The following INSR variants were observed in gnomAD, a reference collection of about 807,000 sequenced individuals.
INSR encodes IR.
Under a neutral mutation model 142.6 loss-of-function variants are expected in INSR, and 67 were observed. The observed-to-expected ratio is 0.47, with a 90% CI of 0.39 to 0.58. INSR has a LOEUF of 0.58. Ranked by LOEUF, INSR falls within the 20% of genes least tolerant of loss-of-function variation. The pLI is 0.00. For missense variants in INSR, 1,248 were observed against 1,833.2 expected, an observed-to-expected ratio of 0.68 and a Z score of 5.83; for synonymous variants, 756 against 743.1, an observed-to-expected ratio of 1.02 and a Z score of -0.28.
intron 12 of INSR, 101 bp downstream of exon 12, chr19:7,142,715 G>A: frequency 7.0e-7 from 1 of 1,423,124 alleles, no homozygotes; most frequent in Non-Finnish European, 9.8e-7. Context: ...AGGCCAATAA[G>A]GTAAAATACA....
At chr19:7,162,248 G>A (rs1166926711) in intron 9 of INSR, among the ~76,000 whole-genome samples, 9 of 149,470 alleles carry the variant, frequency 6.0e-5, no homozygotes, top group Admixed American at 2.0e-4. Context: ...AATCGCTTGC[G>A]CCTGGGAGGC....
chr19:7,222,062 G>A (rs1975638568), intron 2 of INSR, among the ~76,000 whole-genome samples: 1 of 150,942 alleles, frequency 6.6e-6, no homozygotes, highest in South Asian at 2.1e-4. Context: ...CACCATTTGG[G>A]AAAGGCTAAG....
At chr19:7,183,547 C>G (rs1040342495) in intron 3 of INSR, among the ~76,000 whole-genome samples, 2 of 152,096 alleles carry the variant, frequency 1.3e-5, no homozygotes, top group African/African-American at 4.8e-5. Context: ...AAGCGAGTCT[C>G]TTCCTCCTGG....
chr19:7,183,915 C>T (rs34013042), intron 3 of INSR, among the ~76,000 whole-genome samples: 45,609 of 151,348 alleles, frequency 0.3, 7,207 homozygotes, highest in South Asian at 0.42. Flanking sequence ...AAAAATTAGC[C>T]GGGCATGGTG....
At chr19:7,210,717 A>G (rs1336891862) in intron 2 of INSR, among the ~76,000 whole-genome samples, 1 of 151,938 alleles carries the variant, frequency 6.6e-6, no homozygotes, top group Non-Finnish European at 1.5e-5. Context: ...GTATATATGG[A>G]GAGAGAGAGA....
intron 13 of INSR, among the ~76,000 whole-genome samples, chr19:7,137,855 C>A (rs1231194223): frequency 6.8e-6 from 1 of 147,932 alleles, no homozygotes; most frequent in Non-Finnish European, 1.5e-5. Flanking sequence ...ATCCTGGATC[C>A]AGCCATGTGA....
chr19:7,139,076 T>C (rs1460567351), intron 13 of INSR, among the ~76,000 whole-genome samples: 1 of 152,128 alleles, frequency 6.6e-6, no homozygotes, highest in African/African-American at 2.4e-5. Flanking sequence ...TGTTTGTATA[T>C]GGGGCATGTC....
In INSR at chr19:7,117,316, TG is replaced by T; in HGVS notation, c.3888del (p.Ser1297AlafsTer68). 1 of 1,614,138 alleles carries T rather than the reference TG, an allele frequency of 6.2e-7. No homozygotes were observed. Among genetic ancestry groups the T allele is most frequent in the Non-Finnish European group, 8.5e-7 (1 of 1,180,028 alleles). ...IVNLLKDDLH[P>X]SFPEVSFFHS... ...TGGAAGAACGACACCTCTGGAAAGCTGGGGTGCAGGTCGTCCTTGAGCAGGT... is the reference window on the plus strand; with the variant it reads ...TGGAAGAACGACACCTCTGGAAAGCTGGGTGCAGGTCGTCCTTGAGCAGGT... On this transcript the variant is annotated frameshift_variant, in exon 22 of 22. Coordinates refer to ENST00000302850, the MANE Select transcript of INSR (RefSeq NM_000208.4). LOFTEE classifies it high-confidence loss of function.
intron 2 of INSR, among the ~76,000 whole-genome samples, chr19:7,252,152 G>A (rs997099343): frequency 4.6e-5 from 7 of 152,102 alleles, no homozygotes; most frequent in Non-Finnish European, 1.0e-4. Context: ...GCGCACGCCT[G>A]TAATCCCAGC....
chr19:7,220,713 G>T (rs1260228241), intron 2 of INSR, among the ~76,000 whole-genome samples: 2 of 152,188 alleles, frequency 1.3e-5, no homozygotes, highest in Non-Finnish European at 2.9e-5. Flanking sequence ...TAAAATAATA[G>T]ATATAAAACA....
chr19:7,238,674 C>G (rs1976239926), intron 2 of INSR, among the ~76,000 whole-genome samples: 1 of 150,430 alleles, frequency 6.6e-6, no homozygotes, highest in Non-Finnish European at 1.5e-5. Flanking sequence ...TGAACCCAGC[C>G]ATGAGTCTCA....
At chr19:7,242,153 CAAAA>C (rs58299832) in intron 2 of INSR, among the ~76,000 whole-genome samples, 2 of 134,494 alleles carry the variant, frequency 1.5e-5, no homozygotes, top group African/African-American at 2.7e-5. Context: ...ACTCTTGTCT[CAAAA>C]AAAAAAAAAG....
At position 7,267,217 on chromosome 19, in the gene INSR, G is replaced by GA. The variant is rs1967760308; in HGVS notation, c.652+127dup. ...AATGTCTGCCACTCCCTGGGCTAGT[G>GA]AATGCCACCACCCACTATTCCCCGG... On this transcript the variant is annotated intron_variant, in intron 2 of 21. Coordinates refer to ENST00000302850, the MANE Select transcript of INSR (RefSeq NM_000208.4). This position sits in a 1 kb window ranked among gnomAD's most constrained non-coding sequence, Gnocchi z 6.3. 1.0e-6 allele frequency: 1 copy of GA among 962,008 alleles called. No homozygotes were observed. The highest frequency in any genetic ancestry group is 1.6e-5 in the African/African-American group (1 of 61,774). The allele number at this position is 962,008 out of a possible 1,614,324, so 59.6% of individuals were successfully genotyped here.
Position 7,116,979 on chromosome 19 carries a change from TG to T in INSR, c.*76del. ...GGACATGGTAGAGTCGTGAGAATCC[TG>T]AGTTTTCCAGAGGCTTTCAAACCAG... On this transcript the variant is annotated 3_prime_UTR_variant, in exon 22 of 22. Transcript: ENST00000302850. 1 of 1,072,956 alleles carries T rather than the reference TG, an allele frequency of 9.3e-7. No homozygotes were observed. The highest frequency in any genetic ancestry group is 1.5e-6 in the Non-Finnish European group (1 of 688,560). 66.5% of individuals were successfully genotyped at this position (1,072,956 alleles called of 1,614,324 possible).
intron 15 of INSR, among the ~76,000 whole-genome samples, chr19:7,128,368 T>C (rs1391910935): frequency 6.6e-6 from 1 of 151,730 alleles, no homozygotes; most frequent in Non-Finnish European, 1.5e-5. Context: ...CCCACCACCA[T>C]GCCCGGTTAA....
intron 2 of INSR, among the ~76,000 whole-genome samples, chr19:7,203,884 A>ATATTT (rs35883676): frequency 6.6e-6 from 1 of 152,126 alleles, no homozygotes; most frequent in Non-Finnish European, 1.5e-5. Flanking sequence ...TTTAACTTTT[A>ATATTT]TATTTTATTT....
chr19:7,242,825 G>T (rs1017015859), intron 2 of INSR, among the ~76,000 whole-genome samples: 1 of 149,468 alleles, frequency 6.7e-6, no homozygotes, highest in African/African-American at 2.5e-5. Context: ...TACCACAGAA[G>T]CTATTTATAA....
chr19:7,122,226 G>A (rs1453830547), intron 19 of INSR, among the ~76,000 whole-genome samples: 1 of 151,076 alleles, frequency 6.6e-6, no homozygotes, highest in Non-Finnish European at 1.5e-5. Flanking sequence ...GGAGGATCAC[G>A]AGGTCAGGAG....
intron 2 of INSR, among the ~76,000 whole-genome samples, chr19:7,190,454 C>T (rs1974549830): frequency 6.7e-6 from 1 of 148,320 alleles, no homozygotes. Flanking sequence ...CTCACTGCAA[C>T]CTCCGCCTCC....
Sources: gnomAD v4.1 joint callset for allele counts (sites outside exome capture counted in the v4.1 genomes callset) on GRCh38, gnomAD v4.1.1 for gene constraint, Gnocchi (gnomAD v3.1) non-coding constraint, MANE v1.5 for transcripts, NCBI Gene and HGNC (gene_info 2026-07-23, HGNC 2026-07-21) for gene names.